Variants in PDE10A observed in about 807,000 individuals in gnomAD.
PDE10A encodes the protein cAMP and cAMP-inhibited cGMP 3',5'-cyclic phosphodiesterase 10A.
PDE10A carries 39 observed loss-of-function variants against 97.7 expected under a neutral mutation model. The observed-to-expected ratio is 0.40, with a 90% CI of 0.31 to 0.52. The LOEUF is 0.52. PDE10A is among the 20% of genes least tolerant of loss of function. The pLI, the probability that PDE10A is intolerant of heterozygous loss-of-function variation, is 0.56. For synonymous variants in PDE10A, 371 were observed against 376.8 expected, an observed-to-expected ratio of 0.98 and a Z score of 0.18; for missense variants, 731 against 1,047.8, an observed-to-expected ratio of 0.70 and a Z score of 4.17.
intron 1 of PDE10A, among the ~76,000 whole-genome samples, chr6:165,650,641 T>C (rs1330799008): frequency 3.3e-5 from 5 of 152,212 alleles, no homozygotes; most frequent in African/African-American, 1.2e-4. Context: ...TGGTTTCCAA[T>C]GTCCTATTTC....
chr6:165,978,675 C>T (rs1356775075), intron 1 of PDE10A, among the ~76,000 whole-genome samples: 2 of 152,130 alleles, frequency 1.3e-5, no homozygotes, highest in African/African-American at 4.8e-5. Flanking sequence ...GACGACTCAA[C>T]ATATGTGTGA....
chr6:165,502,673 T>C (rs986533836), intron 2 of PDE10A, among the ~76,000 whole-genome samples: 1 of 152,074 alleles, frequency 6.6e-6, no homozygotes, highest in Non-Finnish European at 1.5e-5. Context: ...GTCAAGAAAA[T>C]GAACAAAGTA....
At chr6:165,824,858 G>T (rs574694532) in intron 1 of PDE10A, among the ~76,000 whole-genome samples, 1 of 151,596 alleles carries the variant, frequency 6.6e-6, no homozygotes, top group African/African-American at 2.4e-5. Flanking sequence ...GGCTGGGTGC[G>T]GTGGCTCATG....
chr6:165,403,866 G>A (rs948095483), intron 13 of PDE10A, among the ~76,000 whole-genome samples: 4 of 152,088 alleles, frequency 2.6e-5, no homozygotes, highest in African/African-American at 9.7e-5. Context: ...TTAACCTAAC[G>A]ACCTTCAGTT....
At chr6:165,688,279 CAA>C (rs1346479947) in intron 1 of PDE10A, among the ~76,000 whole-genome samples, 1 of 152,110 alleles carries the variant, frequency 6.6e-6, no homozygotes, top group Non-Finnish European at 1.5e-5. Context: ...GAGACCAAGT[CAA>C]GAGATGATTG....
chr6:165,406,228 A>ATATGTGTGTGTGTGTGTGTGTGTGTGTG (rs140845501), intron 13 of PDE10A, among the ~76,000 whole-genome samples: 23 of 140,510 alleles, frequency 1.6e-4, no homozygotes, highest in African/African-American at 6.2e-4. Context: ...AGGGAAAAGG[A>ATATGTGTGTGTGTGTGTGTGTGTGTGTG]TGTGTGTGTG....
intron 1 of PDE10A, among the ~76,000 whole-genome samples, chr6:165,904,820 G>C (rs927397073): frequency 6.6e-6 from 1 of 152,136 alleles, no homozygotes; most frequent in African/African-American, 2.4e-5. Flanking sequence ...AATCCAGTGT[G>C]AGTCACATTC....
chr6:165,518,810 A>G (rs945403536), intron 2 of PDE10A, among the ~76,000 whole-genome samples: 1 of 152,228 alleles, frequency 6.6e-6, no homozygotes, highest in African/African-American at 2.4e-5. Flanking sequence ...TACACAAGTT[A>G]CAGCCGCAGC....
At chr6:165,514,283 C>A (rs1781668258) in intron 2 of PDE10A, among the ~76,000 whole-genome samples, 1 of 152,298 alleles carries the variant, frequency 6.6e-6, no homozygotes, top group South Asian at 2.1e-4. Flanking sequence ...GAGGTTAATA[C>A]AAGACTCACA....
intron 18 of PDE10A, among the ~76,000 whole-genome samples, chr6:165,349,788 C>T (rs9459375): frequency 0.2 from 30,603 of 152,060 alleles, 3,167 homozygotes; most frequent in Admixed American, 0.22. Flanking sequence ...CCAGTGGTGA[C>T]GAAAAGGGGC....
chr6:165,411,970 C>T (rs567099176), intron 13 of PDE10A, among the ~76,000 whole-genome samples: 2 of 151,856 alleles, frequency 1.3e-5, no homozygotes, highest in African/African-American at 2.4e-5. Flanking sequence ...GAAAAATTCA[C>T]GAACAGTTAT....
chr6:165,582,830 AAAC>A (rs1172030928), intron 1 of PDE10A, among the ~76,000 whole-genome samples: 1 of 152,172 alleles, frequency 6.6e-6, no homozygotes, highest in East Asian at 1.9e-4. Flanking sequence ...TCAAAAATTA[AAAC>A]AATATAAAAT....
chr6:165,509,397 T>C (rs992912505), intron 2 of PDE10A, among the ~76,000 whole-genome samples: 2 of 152,006 alleles, frequency 1.3e-5, no homozygotes, highest in African/African-American at 4.8e-5. Flanking sequence ...GCTATAAACA[T>C]GTGAAATTAT....
At chr6:165,371,913 C>T (rs1178638648) in intron 18 of PDE10A, among the ~76,000 whole-genome samples, 2 of 152,164 alleles carry the variant, frequency 1.3e-5, no homozygotes, top group East Asian at 3.9e-4. Flanking sequence ...GGATGCAAGG[C>T]TGGTTCAATA....
intron 1 of PDE10A, among the ~76,000 whole-genome samples, chr6:165,738,995 A>G (rs1002546804): frequency 6.6e-6 from 1 of 152,380 alleles, no homozygotes; most frequent in Non-Finnish European, 1.5e-5. Flanking sequence ...ATGGGAGAGG[A>G]TACAAATAAA....
rs1788301185 is a variant in PDE10A at position 165,416,212 on chromosome 6, G to C, written c.1866C>G (p.Ala622=). The C allele has an allele frequency of 6.2e-7, 1 of 1,611,810 alleles. No individual in the cohort carries two copies. The highest frequency in any genetic ancestry group is 1.1e-5 in the South Asian group (1 of 91,036). The change falls in exon 12 of 22, where the codon GCC becomes GCG. Residue 622 remains alanine, a synonymous_variant. Transcript: ENST00000539869. ...ACCTGTTAAAGCGTGGGTCTGCATAGGCATCTGGAATGTTCAGGACTTCCC... is the reference window on the plus strand; with the variant it reads ...ACCTGTTAAAGCGTGGGTCTGCATACGCATCTGGAATGTTCAGGACTTCCC... ...RTGEVLNIPD[A]YADPRFNREV...
intron 13 of PDE10A, among the ~76,000 whole-genome samples, chr6:165,402,866 C>T (rs966974203): frequency 6.6e-6 from 1 of 151,944 alleles, no homozygotes; most frequent in Non-Finnish European, 1.5e-5. Flanking sequence ...ACACAATAAC[C>T]CTCATTACAC....
At chr6:165,715,829 G>A (rs1056723582) in intron 1 of PDE10A, among the ~76,000 whole-genome samples, 9 of 152,186 alleles carry the variant, frequency 5.9e-5, no homozygotes, top group East Asian at 1.9e-4. Context: ...CTAATTTCCC[G>A]TCTGTGTGTC....
At chr6:165,719,666 C>A (rs1198062908) in intron 1 of PDE10A, among the ~76,000 whole-genome samples, 5 of 152,118 alleles carry the variant, frequency 3.3e-5, no homozygotes, top group Non-Finnish European at 5.9e-5. Context: ...GTAGGGCAGA[C>A]GCTGCAGGTG....
Sources: gnomAD v4.1 joint callset for allele counts (sites outside exome capture counted in the v4.1 genomes callset) on GRCh38, gnomAD v4.1.1 for gene constraint, MANE v1.5 for transcripts, NCBI Gene and HGNC (gene_info 2026-07-23, HGNC 2026-07-21) for gene names.